CTNNA2: variants seen among roughly 807,000 people sequenced by gnomAD.
CTNNA2 encodes catenin alpha-2.
CTNNA2 carries 42 observed loss-of-function variants against 101.0 expected under a neutral mutation model. The ratio of observed to expected loss-of-function variants is 0.42; its 90% CI spans 0.32 to 0.54. CTNNA2 has a LOEUF of 0.54. Among genes scored for constraint, CTNNA2 ranks in the 20% least tolerant of loss-of-function variants. CTNNA2 has a pLI of 0.14. For missense variants in CTNNA2, 871 were observed against 1,223.1 expected, an observed-to-expected ratio of 0.71 and a Z score of 4.29; for synonymous variants, 450 against 456.4, an observed-to-expected ratio of 0.99 and a Z score of 0.18.
At chr2:79,270,450 C>T (rs1252486674) in intron 2 of CTNNA2, among the ~76,000 whole-genome samples, 1 of 152,074 alleles carries the variant, frequency 6.6e-6, no homozygotes, top group African/African-American at 2.4e-5. Context: ...TCTAACAACC[C>T]CCTGCTTTGC....
intron 9 of CTNNA2, among the ~76,000 whole-genome samples, chr2:80,486,832 T>C (rs944049475): frequency 7.2e-5 from 11 of 152,320 alleles, no homozygotes; most frequent in African/African-American, 2.6e-4. Context: ...ATTCAATAAA[T>C]TTCATACTTT....
intron 1 of CTNNA2, among the ~76,000 whole-genome samples, chr2:79,194,423 G>T (rs751552480): frequency 2.2e-4 from 33 of 152,240 alleles, no homozygotes; most frequent in Admixed American, 7.2e-4. Flanking sequence ...ATTAATATGG[G>T]TTTTGCTGGT....
intron 6 of CTNNA2, among the ~76,000 whole-genome samples, chr2:79,890,615 C>T (rs1015680958): frequency 2.6e-5 from 4 of 151,766 alleles, no homozygotes; most frequent in South Asian, 2.1e-4. Flanking sequence ...CACTGGTGAT[C>T]GTCTGGATAT....
chr2:80,359,494 CA>C (rs908359608), intron 7 of CTNNA2, among the ~76,000 whole-genome samples: 1 of 152,092 alleles, frequency 6.6e-6, no homozygotes, highest in African/African-American at 2.4e-5. Flanking sequence ...ATGGGTTTAG[CA>C]CCCCCCCTTT....
At chr2:80,050,816 T>G (rs1225744064) in intron 7 of CTNNA2, among the ~76,000 whole-genome samples, 1 of 152,202 alleles carries the variant, frequency 6.6e-6, no homozygotes, top group Non-Finnish European at 1.5e-5. Context: ...TCCTCCTGCC[T>G]CAGCTTCATC....
intron 9 of CTNNA2, among the ~76,000 whole-genome samples, chr2:80,490,277 C>G (rs181535031): frequency 1.0e-4 from 6 of 57,448 alleles, no homozygotes; most frequent in East Asian, 1.5e-3. Context: ...TCCTTCCCCC[C>G]CCACCCCCCC....
At chr2:79,237,606 C>T (rs1246548933) in intron 2 of CTNNA2, among the ~76,000 whole-genome samples, 1 of 152,216 alleles carries the variant, frequency 6.6e-6, no homozygotes, top group Non-Finnish European at 1.5e-5. Context: ...TCATTGTCTA[C>T]ATTGAAAACC....
At chr2:79,977,252 A>G (rs1385056153) in intron 7 of CTNNA2, among the ~76,000 whole-genome samples, 1 of 151,842 alleles carries the variant, frequency 6.6e-6, no homozygotes, top group African/African-American at 2.4e-5. Flanking sequence ...ACACACACAC[A>G]CACACTGGTT....
intron 9 of CTNNA2, among the ~76,000 whole-genome samples, chr2:80,486,079 A>G (rs900493749): frequency 6.6e-6 from 1 of 152,218 alleles, no homozygotes; most frequent in Admixed American, 6.5e-5. Flanking sequence ...CAAGAAGCAT[A>G]TTAGAAATCA....
At chr2:80,265,451 TG>T (rs1672936350) in intron 7 of CTNNA2, among the ~76,000 whole-genome samples, 1 of 152,142 alleles carries the variant, frequency 6.6e-6, no homozygotes, top group Admixed American at 6.5e-5. Flanking sequence ...GCAGTGGCAT[TG>T]GGAATGGAAA....
intron 2 of CTNNA2, among the ~76,000 whole-genome samples, chr2:79,262,279 A>T (rs1484915909): frequency 6.6e-6 from 1 of 152,216 alleles, no homozygotes; most frequent in Non-Finnish European, 1.5e-5. Context: ...AAGTGTTTTT[A>T]AAAACCCTTT....
intron 18 of CTNNA2, among the ~76,000 whole-genome samples, chr2:80,622,150 A>G (rs1489332240): frequency 1.3e-5 from 2 of 151,928 alleles, no homozygotes; most frequent in Non-Finnish European, 2.9e-5. Flanking sequence ...TGCTGACTGT[A>G]CTAGAGGAGA....
chr2:80,626,591 G>C (rs1462168295), intron 18 of CTNNA2, among the ~76,000 whole-genome samples: 1 of 151,992 alleles, frequency 6.6e-6, no homozygotes, highest in Non-Finnish European at 1.5e-5. Flanking sequence ...ACTAAATAAA[G>C]AGAAGGGCAA....
chr2:79,526,995 A>G (rs1312451377), intron 1 of CTNNA2, among the ~76,000 whole-genome samples: 2 of 152,138 alleles, frequency 1.3e-5, no homozygotes, highest in African/African-American at 4.8e-5. Flanking sequence ...TAGAAGAAAA[A>G]TAATGTAAAT....
chr2:80,259,898 G>A (rs776314503), intron 7 of CTNNA2, among the ~76,000 whole-genome samples: 7 of 152,156 alleles, frequency 4.6e-5, no homozygotes, highest in Non-Finnish European at 8.8e-5. Context: ...TTGTGGCTGC[G>A]CAAAGGGTTT....
intron 1 of CTNNA2, among the ~76,000 whole-genome samples, chr2:79,536,692 T>TTTTCG (rs1266499995): frequency 4.0e-5 from 6 of 148,806 alleles, no homozygotes; most frequent in African/African-American, 1.5e-4. Context: ...TTTTTTTTTC[T>TTTTCG]TTTCTTTTCT....
intron 3 of CTNNA2, among the ~76,000 whole-genome samples, chr2:79,816,564 A>G (rs1677520013): frequency 6.6e-6 from 1 of 152,192 alleles, no homozygotes; most frequent in Admixed American, 6.5e-5. Context: ...ATATCTCCTT[A>G]CTAGGAAGCC....
At chr2:79,932,489 T>C (rs910385343) in intron 7 of CTNNA2, among the ~76,000 whole-genome samples, 9 of 152,068 alleles carry the variant, frequency 5.9e-5, no homozygotes, top group Non-Finnish European at 1.0e-4. Context: ...ATTCTTTTTT[T>C]TTTTTTCTTT....
At chr2:80,082,434 A>G (rs1235451705) in intron 7 of CTNNA2, among the ~76,000 whole-genome samples, 1 of 152,138 alleles carries the variant, frequency 6.6e-6, no homozygotes, top group African/African-American at 2.4e-5. Context: ...TCACCAAGGA[A>G]TTTACAATCT....
Sources: gnomAD v4.1 joint callset for allele counts (sites outside exome capture counted in the v4.1 genomes callset) on GRCh38, gnomAD v4.1.1 for gene constraint, MANE v1.5 for transcripts, NCBI Gene and HGNC (gene_info 2026-07-23, HGNC 2026-07-21) for gene names.